The following MYOM3 variants were observed in gnomAD, a reference collection of about 807,000 sequenced individuals.
MYOM3 encodes the protein myomesin-3.
A neutral mutation model predicts 191.7 loss-of-function variants in MYOM3; 155 were observed. The observed-to-expected ratio is 0.81, with a 90% CI of 0.71 to 0.92. The LOEUF is 0.92. Ranked by LOEUF, MYOM3 falls within the 40% of genes least tolerant of loss-of-function variation. The pLI is 0.00. For missense variants in MYOM3, 1,889 were observed against 1,890.6 expected (o/e 1.00, Z 0.02); for synonymous variants, 757 against 762.9 (o/e 0.99, Z 0.13).
At chr1:24,081,080 T>C (rs1643662324) in intron 19 of MYOM3, among the ~76,000 whole-genome samples, 1 of 152,130 alleles carries the variant, frequency 6.6e-6, no homozygotes, top group Non-Finnish European at 1.5e-5. Context: ...GCTCTCGAGT[T>C]GGGAAATAGT....
chr1:24,060,854 G>A (rs967940163), intron 35 of MYOM3, among the ~76,000 whole-genome samples: 2 of 152,028 alleles, frequency 1.3e-5, no homozygotes, highest in South Asian at 2.1e-4. Context: ...CCAGGCTCGC[G>A]CTGGATGCTT....
chr1:24,064,386 T>A, intron 29 of MYOM3: 1 of 516,724 alleles, frequency 1.9e-6, no homozygotes. Context: ...TGTCTGGGCC[T>A]GGGGAAGGGG....
At position 24,063,289 on chromosome 1, in the gene MYOM3, T is replaced by G; in HGVS notation, c.3662-55A>C. 6.6e-7 allele frequency: 1 copy of G among 1,514,418 alleles called. No individual in the cohort carries two copies. The highest frequency in any genetic ancestry group is 9.2e-7 in the Non-Finnish European group (1 of 1,091,092). The allele number at this position is 1,514,418 out of a possible 1,614,324, so 93.8% of individuals were successfully genotyped here. The stretch of plus-strand genomic sequence containing the variant: ...TCCCTGAGGCCATTTAGGCATCAGA[T>G]TTTGGGGCCGGCTTGTCTGCCTCTG... On this transcript the variant is annotated intron_variant, in intron 31 of 36. Transcript: ENST00000374434. This position sits in a 1 kb window ranked among gnomAD's most constrained non-coding sequence, Gnocchi z 4.5.
intron 7 of MYOM3, among the ~76,000 whole-genome samples, chr1:24,097,165 G>C (rs777333390): frequency 7.9e-5 from 12 of 152,236 alleles, no homozygotes; most frequent in Non-Finnish European, 1.5e-4. Context: ...ATGGGGCAGT[G>C]GGGGTCAGGT....
intron 25 of MYOM3, among the ~76,000 whole-genome samples, chr1:24,068,750 G>C (rs1643486661): frequency 6.6e-6 from 1 of 151,940 alleles, no homozygotes; most frequent in Non-Finnish European, 1.5e-5. Flanking sequence ...CCATCGCAGA[G>C]TCTCGCTCCA....
At chr1:24,077,646 T>C (rs1163844293) in intron 20 of MYOM3, among the ~76,000 whole-genome samples, 1 of 152,246 alleles carries the variant, frequency 6.6e-6, no homozygotes, top group Non-Finnish European at 1.5e-5. Flanking sequence ...CACGCAGTAT[T>C]GTTATTGCCT....
rs776522052 is a variant in MYOM3 at position 24,071,170 on chromosome 1, G to A, written c.3097C>T (p.Pro1033Ser). ...RLWLEVEKLS[P>S]AAELHLIFNN... ...AAGATTAGATGTAGCTCAGCGGCTG[G>A]AGATAACTTTTCTACTTCCAGCCAA... The change falls in exon 25 of 37, where the codon CCA becomes TCA. Residue 1033 changes from proline (P) to serine (S), a missense_variant. By Grantham distance (74) the Pro-to-Ser change is moderately conservative. Transcript: ENST00000374434. 1 of 1,614,174 alleles carries A rather than the reference G, an allele frequency of 6.2e-7. No individual in the cohort carries two copies. Among genetic ancestry groups the A allele is most frequent in the South Asian group, 1.1e-5 (1 of 91,078 alleles).
chr1:24,089,377 T>C (rs1557611674), intron 14 of MYOM3, among the ~76,000 whole-genome samples, 161 bp downstream of exon 14: 1 of 152,230 alleles, frequency 6.6e-6, no homozygotes, highest in Non-Finnish European at 1.5e-5. Context: ...AAAAGGCTAT[T>C]CAATCCATCC....
In MYOM3 at chr1:24,086,712, G is replaced by A. The variant is rs987587256; in HGVS notation, c.1730C>T (p.Ala577Val). Residue 577 changes from alanine (A) to valine (V), a missense_variant, in exon 15 of 37, where the codon GCA becomes GTA. Physicochemically the swap from Ala to Val is moderately conservative, Grantham distance 64. Transcript: ENST00000374434. ...KKKSYVFRVRAMNQYGLSDPS... is the reference protein window; with the variant it reads ...KKKSYVFRVRVMNQYGLSDPS... ...ATCGCTCAGGCCATACTGGTTCATT[G>A]CTCGCACTCTGAAGACATACGACTT... 1.9e-6 allele frequency: 3 copies of A among 1,614,148 alleles called. No homozygotes were observed. Among genetic ancestry groups the A allele is most frequent in the Non-Finnish European group, 2.5e-6 (3 of 1,180,020 alleles).
chr1:24,106,028 C>T lies in MYOM3; in HGVS notation c.452G>A (p.Gly151Asp), dbSNP rs1407450794. ...AGGGATCCAGAACCAGGGCCCGCGG[C>T]CGTAGCACAGCTCCCTCAGCTCCTT... ...EAKELRELCY[G>D]RGPWFWIPLR... Residue 151 changes from glycine (G) to aspartate (D), a missense_variant, in exon 5 of 37, where the codon GGC becomes GAC. Physicochemically the swap from Gly to Asp is moderately conservative, Grantham distance 94. Transcript: ENST00000374434. The T allele has an allele frequency of 6.2e-7, 1 of 1,613,840 alleles. No individual in the cohort carries two copies. Among genetic ancestry groups the T allele is most frequent in the Admixed American group, 1.7e-5 (1 of 60,018 alleles).
At chr1:24,057,838 G>A (rs1013872233) in intron 36 of MYOM3, among the ~76,000 whole-genome samples, 2 of 152,036 alleles carry the variant, frequency 1.3e-5, no homozygotes, top group African/African-American at 2.4e-5. Flanking sequence ...ATGGAGTCTC[G>A]TTCCATCGCC....
intron 25 of MYOM3, among the ~76,000 whole-genome samples, chr1:24,068,795 C>T (rs1277761220): frequency 6.6e-6 from 1 of 152,118 alleles, no homozygotes; most frequent in Non-Finnish European, 1.5e-5. Context: ...GCAATCTCGG[C>T]TCACTGCAGC....
At chr1:24,068,946 A>G (rs1415177484) in intron 25 of MYOM3, among the ~76,000 whole-genome samples, 1 of 151,628 alleles carries the variant, frequency 6.6e-6, no homozygotes, top group African/African-American at 2.4e-5. Flanking sequence ...CTGGTCTCGA[A>G]CTCCTGGCCT....
Position 24,067,171 on chromosome 1 carries a change from G to A in MYOM3, c.3356-83C>T, listed in dbSNP as rs933443519. 11 of 1,360,932 alleles carry A rather than the reference G, an allele frequency of 8.1e-6. No individual in the cohort carries two copies. In the African/African-American group the frequency reaches 1.0e-4, roughly 13 times the overall value. 84.3% of individuals were successfully genotyped at this position (1,360,932 alleles called of 1,614,324 possible). A position where few individuals can be genotyped will look rare whatever the true frequency, so the allele number is the denominator to read the frequency against. Reference sequence around the variant, plus strand: ...ACCTGTGTCCAGGCAGTGCTGGGGGGAGGGACAGCTAATGGCTATGGACTT... The same window carrying A: ...ACCTGTGTCCAGGCAGTGCTGGGGGAAGGGACAGCTAATGGCTATGGACTT... On this transcript the variant is annotated intron_variant, in intron 27 of 36. Transcript: ENST00000374434.
In MYOM3 at chr1:24,057,407, A is replaced by C. The variant is rs780633622; in HGVS notation, c.4271T>G (p.Val1424Gly). 1.2e-6 allele frequency: 2 copies of C among 1,614,040 alleles called. No homozygotes were observed. Among genetic ancestry groups the C allele is most frequent in the Non-Finnish European group, 1.7e-6 (2 of 1,180,028 alleles). The change falls in exon 37 of 37, where the codon GTG becomes GGG. Residue 1424 changes from valine to glycine, a missense_variant. By Grantham distance (109) the Val-to-Gly change is moderately radical. Transcript: ENST00000374434. ...CTTGGGCTCGTCCCCGTGCTTGAAC[A>C]CACTGATGGTGACCTGGCCCGTCTC... Reference protein sequence around the residue: ...GSETGQVTISVFKHGDEPKEL... With the variant: ...GSETGQVTISGFKHGDEPKEL...
chr1:24,107,024 G>A, intron 4 of MYOM3, 49 bp downstream of exon 4: 1 of 1,529,018 alleles, frequency 6.5e-7, no homozygotes, highest in Non-Finnish European at 8.8e-7. Flanking sequence ...GGCAGCAAGT[G>A]GTGCGTCGCA....
At chr1:24,075,187 G>A in intron 22 of MYOM3, 132 bp downstream of exon 22, 1 of 860,232 alleles carries the variant, frequency 1.2e-6, no homozygotes, top group South Asian at 1.7e-5. Context: ...CGTCCTCAGT[G>A]AAAGACTGAG....
At chr1:24,103,602 T>C (rs1384550949) in intron 5 of MYOM3, among the ~76,000 whole-genome samples, 3 of 152,168 alleles carry the variant, frequency 2.0e-5, no homozygotes, top group Non-Finnish European at 4.4e-5. Flanking sequence ...TAACTGCCTG[T>C]TTTTCGGTGG....
chr1:24,082,172 T>C lies in MYOM3; in HGVS notation c.2109A>G (p.Pro703=), dbSNP rs1643678572. ...VKQALATPSA[P]YGFALLNCGK... is the part of the protein sequence containing the mutation. ...CGCAGTTCAGGAGGGCAAAGCCATA[T>C]GGGGCAGACGGGGTAGCTACAGGGA... Residue 703 remains proline (P), a synonymous_variant, in exon 18 of 37, where the codon CCA becomes CCG. Transcript: ENST00000374434. 1 of 1,611,446 alleles carries C rather than the reference T, an allele frequency of 6.2e-7. No homozygotes were observed. The highest frequency in any genetic ancestry group is 1.3e-5 in the African/African-American group (1 of 74,880).
Sources: allele counts gnomAD v4.1 joint callset (sites outside exome capture counted in the v4.1 genomes callset), GRCh38; gene constraint gnomAD v4.1.1; non-coding constraint Gnocchi (gnomAD v3.1); transcripts MANE v1.5; gene names NCBI Gene and HGNC (gene_info 2026-07-23, HGNC 2026-07-21).